The following DYNC2I1 variants were observed in gnomAD, a reference collection of about 807,000 sequenced individuals.
DYNC2I1 encodes the protein dynein 2 intermediate chain 1.
DYNC2I1 carries 89 observed loss-of-function variants against 133.4 expected under a neutral mutation model. That is an observed-to-expected ratio of 0.67 (90% CI 0.56 to 0.80). The LOEUF (loss-of-function observed/expected upper bound fraction) is 0.80, where lower values mean the gene tolerates loss of function less well. Among genes scored for constraint, DYNC2I1 ranks in the 30% least tolerant of loss-of-function variants. DYNC2I1 has a pLI of 0.00. For synonymous variants in DYNC2I1, 504 were observed against 484.3 expected, an observed-to-expected ratio of 1.04 and a Z score of -0.54; for missense variants, 1,291 against 1,314.5, an observed-to-expected ratio of 0.98 and a Z score of 0.28.
At chr7:158,918,494 T>C (rs1358611559) in intron 14 of DYNC2I1, among the ~76,000 whole-genome samples, 1 of 152,144 alleles carries the variant, frequency 6.6e-6, no homozygotes, top group Admixed American at 6.5e-5. Context: ...TTTTTAGCAG[T>C]GTATGTGGTG....
intron 5 of DYNC2I1, among the ~76,000 whole-genome samples, chr7:158,883,762 C>T (rs1844305080): frequency 7.0e-6 from 1 of 142,618 alleles, no homozygotes. Context: ...CTCCCGGGTT[C>T]ACGCCATTCT....
At chr7:158,944,726 A>G (rs2129489715) in intron 24 of DYNC2I1, among the ~76,000 whole-genome samples, 1 of 152,314 alleles carries the variant, frequency 6.6e-6, no homozygotes, top group East Asian at 1.9e-4. Context: ...CCCCATCATC[A>G]GGCACAGCCA....
rs541788401 is a variant in DYNC2I1, at chr7:158,905,163, CAG to C, written c.1358-823_1358-822del. On this transcript the variant is annotated intron_variant, in intron 10 of 24. Coordinates refer to ENST00000407559, the MANE Select transcript of DYNC2I1 (RefSeq NM_018051.5). ...TTCTTTTTTTTTTTTTTTTTTGAGA[CAG>C]AGTCTCACTATGTCTCCCGTGCTGG... 9.2e-4 allele frequency: 254 copies of C among 275,846 alleles called. 1 individual carries two copies. The highest frequency in any genetic ancestry group is 7.6e-3 in the African/African-American group (232 of 30,488). The allele number at this position is 275,846 out of a possible 1,614,324, so 17.1% of individuals were successfully genotyped here.
intron 3 of DYNC2I1, among the ~76,000 whole-genome samples, chr7:158,871,835 G>A (rs1397162092): frequency 2.0e-5 from 3 of 152,110 alleles, no homozygotes; most frequent in Non-Finnish European, 4.4e-5. Flanking sequence ...TGCCCAGCTG[G>A]CTCTATTTCT....
chr7:158,911,661 G>A lies in DYNC2I1; in HGVS notation c.1572G>A (p.Gly524=), dbSNP rs758071380. Residue 524 remains glycine, a synonymous_variant, in exon 12 of 25, where the codon GGG becomes GGA. Coordinates refer to ENST00000407559, the MANE Select transcript of DYNC2I1 (RefSeq NM_018051.5). ...ATGACATGTATATCAGAAACTTTGG[G>A]AAAAAAAATACCAAGCAGGTAAGTA... The part of the protein sequence containing the change: ...NEYDMYIRNF[G]KKNTKQAYVQ... 4 of 1,600,842 alleles carry A rather than the reference G, an allele frequency of 2.5e-6. No individual in the cohort carries two copies. Among genetic ancestry groups the A allele is most frequent in the Admixed American group, 1.8e-5 (1 of 56,700 alleles).
At chr7:158,927,158 T>C (rs1585200210) in intron 20 of DYNC2I1, 115 bp downstream of exon 20, 1 of 694,954 alleles carries the variant, frequency 1.4e-6, no homozygotes, top group African/African-American at 1.8e-5. Flanking sequence ...CCTCAGCACG[T>C]TGGGAGGCTG....
rs1178607468 is a variant in DYNC2I1 at position 158,902,486 on chromosome 7, A to G, written c.1248A>G (p.Ile416Met). ...TTCCTCTAGCTCAAAAAAAGGAAAT[A>G]CAAGAAATTCAAAGAGCTATTAATG... ...EELPLAQKKE[I>M]QEIQRAINAE... The change falls in exon 10 of 25, where the codon ATA becomes ATG. Residue 416 changes from isoleucine (I) to methionine (M), a missense_variant. Ile to Met is a conservative substitution (Grantham distance 10, BLOSUM62 1). Transcript: ENST00000407559. 1 of 1,614,040 alleles carries G rather than the reference A, an allele frequency of 6.2e-7. No individual in the cohort carries two copies. Among genetic ancestry groups the G allele is most frequent in the Admixed American group, 1.7e-5 (1 of 60,026 alleles).
At chr7:158,864,296 A>G (rs928803375) in intron 1 of DYNC2I1, among the ~76,000 whole-genome samples, 4 of 152,094 alleles carry the variant, frequency 2.6e-5, no homozygotes, top group Non-Finnish European at 5.9e-5. Flanking sequence ...CGTCAGCGCT[A>G]TACCACTGGG....
At chr7:158,866,863 C>T (rs1016524443) in intron 1 of DYNC2I1, among the ~76,000 whole-genome samples, 12 of 150,114 alleles carry the variant, frequency 8.0e-5, no homozygotes, top group Admixed American at 5.3e-4. Context: ...CCAGCCTGGG[C>T]GACAGAGCAA....
chr7:158,897,511 T>C (rs10238660), intron 8 of DYNC2I1, among the ~76,000 whole-genome samples: 290 of 152,348 alleles, frequency 1.9e-3, no homozygotes, highest in African/African-American at 6.7e-3. Flanking sequence ...TTTACTAAGT[T>C]ATCAAATTTA....
intron 20 of DYNC2I1, among the ~76,000 whole-genome samples, chr7:158,928,730 A>G (rs1296858618): frequency 6.6e-6 from 1 of 151,638 alleles, no homozygotes; most frequent in African/African-American, 2.4e-5. Flanking sequence ...CTCCTTCTCA[A>G]CGTACACAGG....
chr7:158,890,449 C>T (rs945691964), intron 7 of DYNC2I1, among the ~76,000 whole-genome samples: 1 of 152,074 alleles, frequency 6.6e-6, no homozygotes, highest in African/African-American at 2.4e-5. Flanking sequence ...CTGAATTTAT[C>T]TTGGTTCAAT....
Position 158,918,832 on chromosome 7 carries a change from C to G in DYNC2I1, c.1884C>G (p.Ser628Arg). Residue 628 changes from serine (S) to arginine (R), a missense_variant, in exon 15 of 25, where the codon AGC becomes AGG. By Grantham distance (110) the Ser-to-Arg change is moderately radical. Transcript: ENST00000407559. ...ACAGGGCCCTGTATTTTAGTGACAG[C>G]TCATCTCAGCTGAACACCAGTCTAC... ...AQDRALYFSDSSSQLNTSLPF... is the reference protein window; with the variant it reads ...AQDRALYFSDRSSQLNTSLPF... The G allele has an allele frequency of 6.2e-7, 1 of 1,613,836 alleles. No homozygotes were observed.
upstream of DYNC2I1, among the ~76,000 whole-genome samples, chr7:158,855,939 CTTTTTTTT>C (rs71200072): frequency 8.4e-5 from 10 of 119,290 alleles, no homozygotes; most frequent in Non-Finnish European, 1.2e-4. Context: ...AAGCTCTTTT[CTTTTTTTT>C]TTTTTTTTTT....
intron 10 of DYNC2I1, chr7:158,903,809 G>A (rs997319944): frequency 6.6e-6 from 1 of 152,130 alleles, no homozygotes; most frequent in African/African-American, 2.4e-5. Flanking sequence ...TATTCTTAAC[G>A]TTACTGGTTT....
intron 10 of DYNC2I1, chr7:158,903,039 T>C (rs574003737): frequency 6.2e-6 from 1 of 160,670 alleles, no homozygotes; most frequent in Non-Finnish European, 1.4e-5. Context: ...TTTTTCCTGA[T>C]GATGTGCTCC....
chr7:158,882,207 G>A (rs1844105483), intron 5 of DYNC2I1, among the ~76,000 whole-genome samples: 3 of 152,110 alleles, frequency 2.0e-5, no homozygotes, highest in Admixed American at 2.0e-4. Context: ...GGATACAGCT[G>A]TGAACAAAAC....
intron 1 of DYNC2I1, among the ~76,000 whole-genome samples, chr7:158,868,469 T>G (rs1383013059): frequency 6.6e-6 from 1 of 152,232 alleles, no homozygotes; most frequent in Non-Finnish European, 1.5e-5. Flanking sequence ...GAACAAACAC[T>G]TTCGCAGTAG....
At chr7:158,954,413 G>C (rs1852146235) in intron 4 of DYNC2I1, among the ~76,000 whole-genome samples, 2 of 152,192 alleles carry the variant, frequency 1.3e-5, no homozygotes, top group Non-Finnish European at 2.9e-5. Flanking sequence ...GGGAGGCCAA[G>C]GTGGGCAGAT....
Sources: gnomAD v4.1 joint callset for allele counts (sites outside exome capture counted in the v4.1 genomes callset) on GRCh38, gnomAD v4.1.1 for gene constraint, MANE v1.5 for transcripts, NCBI Gene and HGNC (gene_info 2026-07-23, HGNC 2026-07-21) for gene names.